The following PIP4K2A variants were observed in gnomAD, a reference collection of about 807,000 sequenced individuals.
PIP4K2A encodes phosphatidylinositol 5-phosphate 4-kinase type-2 alpha.
In PIP4K2A, 14 loss-of-function variants were observed where a neutral mutation model predicts 42.9. The observed-to-expected ratio is 0.33, with a 90% CI of 0.22 to 0.51. The LOEUF (loss-of-function observed/expected upper bound fraction) is 0.51, where lower values mean the gene tolerates loss of function less well. Among genes scored for constraint, PIP4K2A ranks in the 20% least tolerant of loss-of-function variants. PIP4K2A has a pLI of 0.97. For missense variants in PIP4K2A, 434 were observed against 519.8 expected (o/e 0.83, Z 1.61); for synonymous variants, 192 against 192.2 (o/e 1.00, Z 0.01).
At chr10:22,672,692 C>A (rs1839479269) in intron 1 of PIP4K2A, among the ~76,000 whole-genome samples, 1 of 152,150 alleles carries the variant, frequency 6.6e-6, no homozygotes, top group Non-Finnish European at 1.5e-5. Context: ...GGTGGAGAAG[C>A]ACAAACGCCT....
intron 1 of PIP4K2A, among the ~76,000 whole-genome samples, chr10:22,638,905 T>G (rs936169235): frequency 6.6e-6 from 1 of 150,482 alleles, no homozygotes; most frequent in African/African-American, 2.4e-5. Context: ...TATTAGCACT[T>G]GTTAAAGTCT....
chr10:22,546,446 C>T (rs1412084291), intron 7 of PIP4K2A, among the ~76,000 whole-genome samples: 1 of 152,134 alleles, frequency 6.6e-6, no homozygotes, highest in Middle Eastern at 3.2e-3. Flanking sequence ...GGGTCTGGCT[C>T]TGTCACCCAG....
At chr10:22,649,836 AGATTCATTCT>A (rs945179866) in intron 1 of PIP4K2A, among the ~76,000 whole-genome samples, 7 of 152,218 alleles carry the variant, frequency 4.6e-5, no homozygotes, top group Non-Finnish European at 1.0e-4. Flanking sequence ...ATACTTATGT[AGATTCATTCT>A]TCAGCAAACG....
chr10:22,658,016 C>G (rs1279867768), intron 1 of PIP4K2A, among the ~76,000 whole-genome samples: 1 of 151,990 alleles, frequency 6.6e-6, no homozygotes, highest in Non-Finnish European at 1.5e-5. Flanking sequence ...ATATGTGGCG[C>G]CAGAAGTACA....
intron 4 of PIP4K2A, among the ~76,000 whole-genome samples, chr10:22,581,971 C>T (rs1227149072): frequency 6.6e-6 from 1 of 151,746 alleles, no homozygotes; most frequent in Non-Finnish European, 1.5e-5. Flanking sequence ...AAGAAATGAG[C>T]CAGGTGTGGT....
At position 22,634,545 on chromosome 10, in the gene PIP4K2A, T is replaced by G. The variant is rs563832208; in HGVS notation, c.145-24828A>C. Reference sequence around the variant, plus strand: ...GCATTTACTCGCTTGTTTCTTATAATAGGATCTTTTATAAGTCCAAATTTA... The same window carrying G: ...GCATTTACTCGCTTGTTTCTTATAAGAGGATCTTTTATAAGTCCAAATTTA... On this transcript the variant is annotated intron_variant, in intron 1 of 9. Coordinates refer to ENST00000376573, the MANE Select transcript of PIP4K2A (RefSeq NM_005028.5). 2.0e-5 allele frequency among the ~76,000 whole-genome samples: 3 copies of G among 152,320 alleles called. No homozygotes were observed. In the South Asian group the frequency reaches 6.2e-4, roughly 32 times the overall value.
At chr10:22,646,840 T>A (rs1838895330) in intron 1 of PIP4K2A, among the ~76,000 whole-genome samples, 1 of 152,172 alleles carries the variant, frequency 6.6e-6, no homozygotes, top group Non-Finnish European at 1.5e-5. Context: ...GGCTGATATA[T>A]CCTTTTCCTT....
chr10:22,545,686 T>C (rs1024733314), intron 7 of PIP4K2A, among the ~76,000 whole-genome samples: 1 of 152,244 alleles, frequency 6.6e-6, no homozygotes, highest in Middle Eastern at 3.2e-3. Context: ...AAAATTGCAG[T>C]CACAATGGGC....
chr10:22,701,754 G>A (rs1244056549), intron 1 of PIP4K2A, among the ~76,000 whole-genome samples: 1 of 152,220 alleles, frequency 6.6e-6, no homozygotes, highest in Non-Finnish European at 1.5e-5. Flanking sequence ...AGGCATGAAA[G>A]AGTTGGAAGA....
intron 1 of PIP4K2A, among the ~76,000 whole-genome samples, chr10:22,624,238 G>C (rs58241422): frequency 1.7e-4 from 26 of 152,224 alleles, no homozygotes; most frequent in African/African-American, 6.0e-4. Flanking sequence ...GCTAGGAAAA[G>C]ACTAAAAACC....
At chr10:22,570,996 T>C (rs1836972301) in intron 5 of PIP4K2A, among the ~76,000 whole-genome samples, 1 of 152,190 alleles carries the variant, frequency 6.6e-6, no homozygotes. Context: ...AGTAGGCATC[T>C]AGTAAACACA....
rs73598565 is a variant in PIP4K2A at position 22,560,452 on chromosome 10, G to A, written c.678+7399C>T. 7.3e-3 allele frequency among the ~76,000 whole-genome samples: 1,108 copies of A among 152,248 alleles called. 6 individuals are homozygous for A. Among genetic ancestry groups the A allele is most frequent in the African/African-American group, 0.025 (1,056 of 41,548 alleles). On this transcript the variant is annotated intron_variant, in intron 6 of 9. Transcript: ENST00000376573. ...AAAAGAAATGCTGAAAACTGGTTTCGAAAAGCATTTTTAGACGTAAGGGTA... is the reference window on the plus strand; with the variant it reads ...AAAAGAAATGCTGAAAACTGGTTTCAAAAAGCATTTTTAGACGTAAGGGTA...
chr10:22,612,246 G>A (rs999927044), intron 1 of PIP4K2A, among the ~76,000 whole-genome samples: 2 of 152,232 alleles, frequency 1.3e-5, no homozygotes, highest in Non-Finnish European at 2.9e-5. Context: ...GTCCAGAGGG[G>A]CAGACACATT....
At chr10:22,645,619 A>C (rs1838863955) in intron 1 of PIP4K2A, among the ~76,000 whole-genome samples, 1 of 151,798 alleles carries the variant, frequency 6.6e-6, no homozygotes, top group South Asian at 2.1e-4. Context: ...GAAAACAAGT[A>C]GAATACTGTA....
chr10:22,549,972 A>ATAAAC (rs1457076436), intron 7 of PIP4K2A, among the ~76,000 whole-genome samples: 1 of 152,144 alleles, frequency 6.6e-6, no homozygotes, highest in East Asian at 1.9e-4. Flanking sequence ...TGCCTTTATC[A>ATAAAC]TAAACTAAAT....
intron 5 of PIP4K2A, among the ~76,000 whole-genome samples, chr10:22,571,291 G>C (rs1240031268): frequency 6.6e-6 from 1 of 152,140 alleles, no homozygotes; most frequent in East Asian, 1.9e-4. Context: ...CTGTATGCTG[G>C]GGTGCTTGCT....
At chr10:22,581,479 C>T (rs1010206805) in intron 4 of PIP4K2A, among the ~76,000 whole-genome samples, 2 of 146,936 alleles carry the variant, frequency 1.4e-5, no homozygotes, top group African/African-American at 5.0e-5. Flanking sequence ...TTATTTTTGC[C>T]CAGTTACTTG....
At chr10:22,561,915 T>C (rs927486913) in intron 6 of PIP4K2A, among the ~76,000 whole-genome samples, 4 of 152,098 alleles carry the variant, frequency 2.6e-5, no homozygotes, top group African/African-American at 9.7e-5. Context: ...GAAAGGAATA[T>C]AGTTATATAT....
chr10:22,601,883 G>T (rs949912107), intron 3 of PIP4K2A, among the ~76,000 whole-genome samples: 2 of 152,136 alleles, frequency 1.3e-5, no homozygotes, highest in Non-Finnish European at 2.9e-5. Flanking sequence ...CCGCATCCCT[G>T]CTCTCTTAGC....
Sources: gnomAD v4.1 joint callset for allele counts (sites outside exome capture counted in the v4.1 genomes callset) on GRCh38, gnomAD v4.1.1 for gene constraint, MANE v1.5 for transcripts, NCBI Gene and HGNC (gene_info 2026-07-23, HGNC 2026-07-21) for gene names.